NFATC3: variants seen among roughly 807,000 people sequenced by gnomAD.
The protein encoded by NFATC3 is nuclear factor of activated T-cells, cytoplasmic 3.
Under a neutral mutation model 98.6 loss-of-function variants are expected in NFATC3, and 46 were observed. That is an observed-to-expected ratio of 0.47 (90% CI 0.37 to 0.60). The LOEUF is 0.60. NFATC3 is among the 20% of genes least tolerant of loss of function. The pLI, the probability that NFATC3 is intolerant of heterozygous loss-of-function variation, is 0.00. For missense variants in NFATC3, 1,256 were observed against 1,295.5 expected (o/e 0.97, Z 0.47); for synonymous variants, 512 against 472.2 (o/e 1.08, Z -1.09).
intron 3 of NFATC3, among the ~76,000 whole-genome samples, chr16:68,134,712 T>G (rs943388111): frequency 4.6e-5 from 7 of 152,144 alleles, no homozygotes; most frequent in Non-Finnish European, 1.0e-4. Flanking sequence ...GGGGTTTTTT[T>G]GGGGGGATGG....
rs375319578 is a variant in NFATC3 at position 68,199,711 on chromosome 16, T to C, written c.3106+7936T>C. On this transcript the variant is annotated intron_variant, in intron 9 of 9. Coordinates refer to ENST00000346183, the MANE Select transcript of NFATC3 (RefSeq NM_173165.3). ...ATGCCATTCTCCTGCCTCAGCCTCC[T>C]GAGTAGCTGGAACTACAGGCACCCG... The C allele has an allele frequency of 1.9e-4, 29 of 151,594 alleles. 1 individual carries two copies. Among genetic ancestry groups the C allele is most frequent in the Middle Eastern group, 3.4e-3 (1 of 296 alleles). The allele number at this position is 151,594 out of a possible 1,614,324, so 9.4% of individuals were successfully genotyped here.
At chr16:68,190,479 T>TC (rs1449309312) in intron 8 of NFATC3, among the ~76,000 whole-genome samples, 2 of 152,208 alleles carry the variant, frequency 1.3e-5, no homozygotes, top group African/African-American at 4.8e-5. Flanking sequence ...ACTTCCTAAT[T>TC]CTGTCGCTTA....
chr16:68,161,672 C>T (rs1224097644), intron 4 of NFATC3, among the ~76,000 whole-genome samples: 2 of 152,150 alleles, frequency 1.3e-5, no homozygotes, highest in Admixed American at 6.5e-5. Flanking sequence ...AGCCCGTTTA[C>T]AGTAATTATA....
At chr16:68,091,831 T>C (rs2034727551) in intron 1 of NFATC3, among the ~76,000 whole-genome samples, 1 of 152,158 alleles carries the variant, frequency 6.6e-6, no homozygotes, top group South Asian at 2.1e-4. Context: ...AGGCCTGGCT[T>C]CTAAAACAAT....
intron 5 of NFATC3, among the ~76,000 whole-genome samples, chr16:68,170,018 C>G (rs951204222): frequency 2.6e-5 from 4 of 151,838 alleles, no homozygotes; most frequent in Non-Finnish European, 5.9e-5. Context: ...TGCACTCCAG[C>G]CTGGGCGACA....
intron 9 of NFATC3, among the ~76,000 whole-genome samples, chr16:68,202,641 G>A (rs1310093460): frequency 3.9e-5 from 6 of 151,992 alleles, no homozygotes; most frequent in African/African-American, 7.2e-5. Context: ...GTGAAACCCC[G>A]TCTCTACTAA....
At chr16:68,181,598 T>C in intron 7 of NFATC3, 68 bp downstream of exon 7, 1 of 1,171,224 alleles carries the variant, frequency 8.5e-7, no homozygotes, top group Non-Finnish European at 1.3e-6. Context: ...TAATGCTGCT[T>C]TATGGTATGG....
In NFATC3 at chr16:68,191,297, G is replaced by C; in HGVS notation, c.2628G>C (p.Leu876=). ...LAHTPHSVHT[L]PHLQSMGYHC... ...ATACACCTCATTCTGTGCATACCCT[G>C]CCTCATCTGCAATCAATGGGATATC... The change falls in exon 9 of 10, where the codon CTG becomes CTC. Residue 876 remains leucine, a synonymous_variant. Coordinates refer to ENST00000346183, the MANE Select transcript of NFATC3 (RefSeq NM_173165.3). 6.2e-7 allele frequency: 1 copy of C among 1,614,100 alleles called. No individual in the cohort carries two copies.
chr16:68,094,977 G>A (rs2034932513), intron 1 of NFATC3, among the ~76,000 whole-genome samples: 1 of 152,024 alleles, frequency 6.6e-6, no homozygotes, highest in African/African-American at 2.4e-5. Flanking sequence ...TTAGTTACTG[G>A]TAAAGATGAG....
intron 5 of NFATC3, among the ~76,000 whole-genome samples, chr16:68,169,048 G>A (rs866646300): frequency 1.1e-4 from 16 of 151,418 alleles, no homozygotes; most frequent in African/African-American, 3.2e-4. Flanking sequence ...GCCTCCCAAA[G>A]TTCTGGGATT....
chr16:68,212,425 T>G (rs988528697), intron 9 of NFATC3: 1 of 152,222 alleles, frequency 6.6e-6, no homozygotes, highest in East Asian at 1.9e-4. Flanking sequence ...TTAGGTCCTT[T>G]TACTTGAAGT....
intron 1 of NFATC3, among the ~76,000 whole-genome samples, chr16:68,093,375 A>G (rs1074143): frequency 0.12 from 18,097 of 152,264 alleles, 1,221 homozygotes; most frequent in South Asian, 0.2. Context: ...TTGAGACTCA[A>G]ATTGACCTGC....
intron 1 of NFATC3, among the ~76,000 whole-genome samples, chr16:68,114,862 C>T (rs773975155): frequency 2.6e-5 from 4 of 152,050 alleles, no homozygotes; most frequent in South Asian, 2.1e-4. Flanking sequence ...CGTCAGCCAC[C>T]GCACCTGGCC....
Position 68,088,966 on chromosome 16 carries a change from A to G in NFATC3, c.103+3182A>G, listed in dbSNP as rs960452330. ...GTGTGAGCCACTGCACATAGCCCCT[A>G]TATTTTGTTAAATAAGTGAATAAAT... is the stretch of plus-strand genomic sequence containing the variant. On this transcript the variant is annotated intron_variant, in intron 1 of 9. Coordinates refer to ENST00000346183, the MANE Select transcript of NFATC3 (RefSeq NM_173165.3). 1.1e-5 allele frequency: 11 copies of G among 985,288 alleles called. No individual in the cohort carries two copies. In the Admixed American group the frequency reaches 1.8e-4, roughly 17 times the overall value. 61.0% of individuals were successfully genotyped at this position (985,288 alleles called of 1,614,324 possible).
chr16:68,178,536 A>G (rs2039818146), intron 6 of NFATC3, among the ~76,000 whole-genome samples: 1 of 152,230 alleles, frequency 6.6e-6, no homozygotes, highest in South Asian at 2.1e-4. Flanking sequence ...TAGAGCTTAC[A>G]TTGTAGTGGG....
rs528998202 is a variant in NFATC3 at position 68,094,864 on chromosome 16, G to T, written c.103+9080G>T. ...GAGACACGGATGCTGGCTTCACACA[G>T]CTCTTTTCTTTTTAAGAGTGACGAA... On this transcript the variant is annotated intron_variant, in intron 1 of 9. Transcript: ENST00000346183. 1.1e-4 allele frequency among the ~76,000 whole-genome samples: 16 copies of T among 152,308 alleles called. No individual in the cohort carries two copies. In the East Asian group the frequency reaches 1.7e-3, roughly 17 times the overall value.
intron 1 of NFATC3, among the ~76,000 whole-genome samples, chr16:68,092,683 G>A (rs1454787068): frequency 1.3e-5 from 2 of 151,978 alleles, no homozygotes; most frequent in African/African-American, 4.8e-5. Flanking sequence ...TTGAGCCTAG[G>A]GATTCTAGAC....
At chr16:68,211,418 C>G (rs555049747) in intron 9 of NFATC3, among the ~76,000 whole-genome samples, 1 of 151,968 alleles carries the variant, frequency 6.6e-6, no homozygotes, top group East Asian at 1.9e-4. Flanking sequence ...TATCTCCTGA[C>G]CTTGTGATCC....
intron 3 of NFATC3, among the ~76,000 whole-genome samples, chr16:68,133,583 C>T (rs1273545258): frequency 6.6e-6 from 1 of 152,088 alleles, no homozygotes; most frequent in Non-Finnish European, 1.5e-5. Context: ...CTCCCTTGTA[C>T]CCCTTCCCAG....
Sources: allele counts gnomAD v4.1 joint callset (sites outside exome capture counted in the v4.1 genomes callset), GRCh38; gene constraint gnomAD v4.1.1; transcripts MANE v1.5; gene names NCBI Gene and HGNC (gene_info 2026-07-23, HGNC 2026-07-21).